Variants in ENTREP2 observed in about 807,000 individuals in gnomAD.
The protein encoded by ENTREP2 is endosomal transmembrane epsin interactor 2.
At chr15:29,645,421 C>T in the ENTREP2 span, among the ~76,000 whole-genome samples, 1 of 152,236 alleles carries the variant, frequency 6.6e-6, no homozygotes, top group Non-Finnish European at 1.5e-5. Flanking sequence ...GAGCATTTAC[C>T]CACCAAATCA....
chr15:29,467,989 G>A, the ENTREP2 span, among the ~76,000 whole-genome samples: 4 of 151,922 alleles, frequency 2.6e-5, no homozygotes, highest in Non-Finnish European at 5.9e-5. Context: ...CAAACAAACC[G>A]CTGCCTAAAG....
chr15:29,649,448 C>T, the ENTREP2 span, among the ~76,000 whole-genome samples: 10 of 152,186 alleles, frequency 6.6e-5, no homozygotes, highest in South Asian at 1.2e-3. Flanking sequence ...GGGCCAGGCG[C>T]GATGGCTCAC....
At chr15:29,436,279 A>G in the ENTREP2 span, among the ~76,000 whole-genome samples, 1 of 152,198 alleles carries the variant, frequency 6.6e-6, no homozygotes, top group African/African-American at 2.4e-5. Context: ...ATACTCCATT[A>G]GGTCTCGTCT....
the ENTREP2 span, among the ~76,000 whole-genome samples, chr15:29,173,407 C>A: frequency 6.6e-6 from 1 of 152,204 alleles, no homozygotes; most frequent in Non-Finnish European, 1.5e-5. Context: ...CAAAAGATCC[C>A]CTGGACGGAA....
the ENTREP2 span, among the ~76,000 whole-genome samples, chr15:29,470,258 T>C: frequency 7.9e-5 from 12 of 152,176 alleles, no homozygotes; most frequent in Non-Finnish European, 2.9e-5. Flanking sequence ...TTGTTCTATG[T>C]GTGGTTGAGC....
At chr15:29,536,653 C>G in the ENTREP2 span, among the ~76,000 whole-genome samples, 2 of 150,766 alleles carry the variant, frequency 1.3e-5, no homozygotes, top group Admixed American at 1.3e-4. Context: ...ACCTCAAAAT[C>G]TCAGAATCGG....
the ENTREP2 span, among the ~76,000 whole-genome samples, chr15:29,254,826 C>T: frequency 6.6e-6 from 1 of 152,178 alleles, no homozygotes; most frequent in African/African-American, 2.4e-5. Context: ...GCCTGGGTAA[C>T]AAAGCGAGAC....
At chr15:29,488,618 T>G in the ENTREP2 span, among the ~76,000 whole-genome samples, 1 of 152,200 alleles carries the variant, frequency 6.6e-6, no homozygotes, top group Non-Finnish European at 1.5e-5. Context: ...TGAGACACAT[T>G]ATAATCAAAC....
the ENTREP2 span, among the ~76,000 whole-genome samples, chr15:29,215,696 T>C: frequency 1.3e-5 from 2 of 152,090 alleles, no homozygotes; most frequent in African/African-American, 4.8e-5. Flanking sequence ...AAGTTTGTTT[T>C]GTCTGATATA....
chr15:29,550,858 A>C, the ENTREP2 span, among the ~76,000 whole-genome samples: 1 of 152,154 alleles, frequency 6.6e-6, no homozygotes, highest in African/African-American at 2.4e-5. Flanking sequence ...GACCTCACAC[A>C]TCATCTTTCC....
the ENTREP2 span, among the ~76,000 whole-genome samples, chr15:29,539,777 C>G: frequency 6.6e-6 from 1 of 152,170 alleles, no homozygotes; most frequent in African/African-American, 2.4e-5. Context: ...AGGCTGAAGG[C>G]TACAGAGCCA....
chr15:29,241,485 G>A, the ENTREP2 span, among the ~76,000 whole-genome samples: 1 of 152,182 alleles, frequency 6.6e-6, no homozygotes, highest in East Asian at 1.9e-4. Flanking sequence ...GGAGTAGGAG[G>A]CAGAGAGAGG....
chr15:29,381,886 A>T, the ENTREP2 span: 1 of 1,488,092 alleles, frequency 6.7e-7, no homozygotes, highest in South Asian at 1.2e-5. Context: ...TTGCATGGGC[A>T]ATCAAAACAC....
chr15:29,381,924 C>T, the ENTREP2 span: 93 of 1,172,416 alleles, frequency 7.9e-5, no homozygotes, highest in Admixed American at 1.4e-4. Flanking sequence ...CGGAGAAGGA[C>T]GTGTGGAACA....
At chr15:29,264,728 C>T in the ENTREP2 span, among the ~76,000 whole-genome samples, 1 of 152,110 alleles carries the variant, frequency 6.6e-6, no homozygotes, top group Non-Finnish European at 1.5e-5. Flanking sequence ...GTTCAGGGAA[C>T]AAATTATTTT....
chr15:29,596,002 A>G, the ENTREP2 span, among the ~76,000 whole-genome samples: 303 of 152,232 alleles, frequency 2.0e-3, 1 homozygote, highest in African/African-American at 6.9e-3. Flanking sequence ...AGCCTTTCTC[A>G]AAAAAGCCCT....
chr15:29,233,712 C>A, the ENTREP2 span: 1 of 1,314,556 alleles, frequency 7.6e-7, no homozygotes. Flanking sequence ...TGTTGCTCAT[C>A]AAGTTACATG....
the ENTREP2 span, among the ~76,000 whole-genome samples, chr15:29,524,035 T>G: frequency 6.6e-6 from 1 of 152,084 alleles, no homozygotes. Context: ...AGATGGGATA[T>G]CATCAAAATT....
chr15:29,282,475 T>C, the ENTREP2 span, among the ~76,000 whole-genome samples: 2 of 152,212 alleles, frequency 1.3e-5, no homozygotes, highest in Non-Finnish European at 2.9e-5. Context: ...ACTTGAATGA[T>C]GCCTGTCCTC....
Sources: gnomAD v4.1 joint callset for allele counts (sites outside exome capture counted in the v4.1 genomes callset) on GRCh38, gnomAD v4.1.1 for gene constraint, MANE v1.5 for transcripts, NCBI Gene and HGNC (gene_info 2026-07-23, HGNC 2026-07-21) for gene names.